The following ATMIN variants were observed in gnomAD, a reference collection of about 807,000 sequenced individuals.
The protein encoded by ATMIN is ATM INteracting protein.
A neutral mutation model predicts 49.2 loss-of-function variants in ATMIN; 24 were observed. The ratio of observed to expected loss-of-function variants is 0.49; its 90% CI spans 0.35 to 0.69. ATMIN has a LOEUF of 0.69. Among genes scored for constraint, ATMIN ranks in the 30% least tolerant of loss-of-function variants. The probability of loss-of-function intolerance (pLI) is 0.00; values close to 1 mark genes in which losing one functional copy is unlikely to be tolerated. For synonymous variants in ATMIN, 450 were observed against 392.5 expected (o/e 1.15, Z -1.73); for missense variants, 1,037 against 1,005.5 (o/e 1.03, Z -0.42).
intron 3 of ATMIN, 147 bp from the exon 4 acceptor site, chr16:81,043,014 G>C (rs958773319): frequency 1.1e-6 from 1 of 943,754 alleles, no homozygotes; most frequent in African/African-American, 1.7e-5. Context: ...AACTCCCAGA[G>C]TTGCGAAAGA....
Position 81,043,749 on chromosome 16 carries a change from G to C in ATMIN, c.1251G>C (p.Leu417=), listed in dbSNP as rs1971074742. 1.2e-6 allele frequency: 2 copies of C among 1,614,130 alleles called. No homozygotes were observed. The highest frequency in any genetic ancestry group is 1.7e-6 in the Non-Finnish European group (2 of 1,180,058). The change falls in exon 4 of 4, where the codon CTG becomes CTC. Residue 417 remains leucine (L), a synonymous_variant. Coordinates refer to ENST00000299575, the MANE Select transcript of ATMIN (RefSeq NM_015251.3). ...CTTCAATCAACGTGCAGACAGATCTGTCTTATGCCTCACAAAACTTTATAC... is the reference window on the plus strand; with the variant it reads ...CTTCAATCAACGTGCAGACAGATCTCTCTTATGCCTCACAAAACTTTATAC... ...SISSINVQTD[L]SYASQNFIPS...
At chr16:81,039,685 T>C (rs1473625966) in intron 1 of ATMIN, among the ~76,000 whole-genome samples, 1 of 152,204 alleles carries the variant, frequency 6.6e-6, no homozygotes, top group African/African-American at 2.4e-5. Context: ...AGAGATTCTT[T>C]TGTTCCTTGT....
chr16:81,043,042 G>C (rs1971060956), intron 3 of ATMIN, 119 bp from the exon 4 acceptor site: 1 of 1,238,500 alleles, frequency 8.1e-7, no homozygotes, highest in African/African-American at 1.5e-5. Flanking sequence ...TATCTTGTCT[G>C]GGTTGAACAT....
rs962898008 is a variant in ATMIN at position 81,035,878 on chromosome 16, C to A, written c.8C>A (p.Ala3Asp). Reference sequence around the variant, plus strand: ...GGCGGCCGTGCGGGAGCCATGGCGGCCTCGGAGGCGGCGGCGGCGGCGGGG... The same window carrying A: ...GGCGGCCGTGCGGGAGCCATGGCGGACTCGGAGGCGGCGGCGGCGGCGGGG... MA[A>D]SEAAAAAGSA... Residue 3 changes from alanine to aspartate, a missense_variant, in exon 1 of 4, where the codon GCC becomes GAC. Physicochemically the swap from Ala to Asp is moderately radical, Grantham distance 126. Transcript: ENST00000299575. The A allele has an allele frequency of 4.7e-4, 443 of 945,162 alleles. No homozygotes were observed. Among genetic ancestry groups the A allele is most frequent in the Non-Finnish European group, 5.4e-4 (426 of 795,474 alleles). The allele number at this position is 945,162 out of a possible 1,614,324, so 58.5% of individuals were successfully genotyped here. A position where few individuals can be genotyped will look rare whatever the true frequency, so the allele number is the denominator to read the frequency against.
chr16:81,045,186 G>A lies in ATMIN; in HGVS notation c.*216G>A. The A allele has an allele frequency of 5.2e-6, 3 of 579,476 alleles. No homozygotes were observed. The highest frequency in any genetic ancestry group is 8.4e-6 in the Non-Finnish European group (3 of 356,136). The allele number at this position is 579,476 out of a possible 1,614,324, so 35.9% of individuals were successfully genotyped here. On this transcript the variant is annotated 3_prime_UTR_variant, in exon 4 of 4. Coordinates refer to ENST00000299575, the MANE Select transcript of ATMIN (RefSeq NM_015251.3). ...TGAGATGTTGATCTAAATTGTTTTTGTGTTGCCTACATTTGCCTTTTCACA... is the reference window on the plus strand; with the variant it reads ...TGAGATGTTGATCTAAATTGTTTTTATGTTGCCTACATTTGCCTTTTCACA...
chr16:81,044,804 G>A lies in ATMIN; in HGVS notation c.2306G>A (p.Ser769Asn). ...AACAGTACAGAAACACAGACCATGA[G>A]TTCTGGGTTTGAAACCCTGGGGAGC... ...QLNSTETQTM[S>N]SGFETLGSLF... The change falls in exon 4 of 4, where the codon AGT becomes AAT. Residue 769 changes from serine to asparagine, a missense_variant. By Grantham distance (46) the Ser-to-Asn change is conservative. Coordinates refer to ENST00000299575, the MANE Select transcript of ATMIN (RefSeq NM_015251.3). 1.9e-6 allele frequency: 3 copies of A among 1,614,194 alleles called. No homozygotes were observed. The highest frequency in any genetic ancestry group is 2.2e-5 in the East Asian group (1 of 44,886).
intron 1 of ATMIN, chr16:81,037,492 C>T (rs775260911): frequency 2.2e-5 from 22 of 985,284 alleles, no homozygotes; most frequent in African/African-American, 8.7e-5. Context: ...TGAGGAAGAC[C>T]GTGCAGGTGG....
At chr16:81,036,592 A>G (rs563178673) in intron 1 of ATMIN, among the ~76,000 whole-genome samples, 3 of 152,362 alleles carry the variant, frequency 2.0e-5, no homozygotes, top group South Asian at 4.1e-4. Context: ...AGATTATGCA[A>G]CCTAGATGAT....
chr16:81,045,009 A>C lies in ATMIN; in HGVS notation c.*39A>C, dbSNP rs1174681957. The C allele has an allele frequency of 6.3e-7, 1 of 1,582,086 alleles. No homozygotes were observed. The highest frequency in any genetic ancestry group is 1.4e-5 in the African/African-American group (1 of 73,836). ...GTCCATGTGTGAAATGGCATCTACC[A>C]TTTCCTCTGGATTAAAACTACGGAC... On this transcript the variant is annotated 3_prime_UTR_variant, in exon 4 of 4. Coordinates refer to ENST00000299575, the MANE Select transcript of ATMIN (RefSeq NM_015251.3).
chr16:81,035,861 T>G lies in ATMIN; in HGVS notation c.-10T>G, dbSNP rs573547224. The G allele has an allele frequency of 3.5e-6, 3 of 860,794 alleles. No individual in the cohort carries two copies. Among genetic ancestry groups the G allele is most frequent in the South Asian group, 5.1e-5 (1 of 19,694 alleles). The allele number at this position is 860,794 out of a possible 1,614,324, so 53.3% of individuals were successfully genotyped here. On this transcript the variant is annotated 5_prime_UTR_variant, in exon 1 of 4. Transcript: ENST00000299575. ...GCCTACGAACTGGGCCGGGCGGCCG[T>G]GCGGGAGCCATGGCGGCCTCGGAGG...
At chr16:81,040,592 C>G (rs1971020707) in intron 1 of ATMIN, 1 of 152,120 alleles carries the variant, frequency 6.6e-6, no homozygotes, top group African/African-American at 2.4e-5. Flanking sequence ...AATCTCTGCC[C>G]ATGTAAAGGT....
chr16:81,043,058 C>G, intron 3 of ATMIN, 103 bp from the exon 4 acceptor site: 1 of 1,382,968 alleles, frequency 7.2e-7, no homozygotes, highest in Non-Finnish European at 9.8e-7. Context: ...AACATGACCT[C>G]TGCTATAGAT....
chr16:81,037,533 T>A, intron 1 of ATMIN: 1 of 978,522 alleles, frequency 1.0e-6, no homozygotes, highest in Non-Finnish European at 1.2e-6. Flanking sequence ...AAGCTCTGGG[T>A]TTCTTTCAGC....
chr16:81,042,567 A>C (rs1971053212), intron 3 of ATMIN, 87 bp downstream of exon 3: 1 of 1,337,996 alleles, frequency 7.5e-7, no homozygotes, highest in East Asian at 2.4e-5. Context: ...TGGTGTGGGG[A>C]GGAAAAAGGA....
Position 81,045,216 on chromosome 16 carries a change from G to C in ATMIN, c.*246G>C. 2.4e-6 allele frequency: 1 copy of C among 408,668 alleles called. No individual in the cohort carries two copies. The highest frequency in any genetic ancestry group is 4.1e-6 in the Non-Finnish European group (1 of 245,966). 25.3% of individuals were successfully genotyped at this position (408,668 alleles called of 1,614,324 possible). On this transcript the variant is annotated 3_prime_UTR_variant, in exon 4 of 4. Coordinates refer to ENST00000299575, the MANE Select transcript of ATMIN (RefSeq NM_015251.3). ...GCCTACATTTGCCTTTTCACAGCTA[G>C]TCTTTTCATGTTAAAAAAAAAAATG...
In ATMIN at chr16:81,044,661, A is replaced by G; in HGVS notation, c.2163A>G (p.Gly721=). 1 of 1,614,180 alleles carries G rather than the reference A, an allele frequency of 6.2e-7. No homozygotes were observed. Among genetic ancestry groups the G allele is most frequent in the East Asian group, 2.2e-5 (1 of 44,890 alleles). ...ACAGTAGCCCTCATCTGCCTCTGGG[A>G]AGTATTCTGAAACACTCCAGCTTTT... ...FLDSSPHLPL[G]SILKHSSFSV... The change falls in exon 4 of 4, where the codon GGA becomes GGG. Residue 721 remains glycine, a synonymous_variant. Transcript: ENST00000299575.
intron 1 of ATMIN, among the ~76,000 whole-genome samples, chr16:81,037,894 C>T (rs1970972276): frequency 6.6e-6 from 1 of 152,140 alleles, no homozygotes; most frequent in Non-Finnish European, 1.5e-5. Flanking sequence ...CCCACCTCAG[C>T]CTCTTAAAGT....
At chr16:81,037,955 A>G (rs865965528) in intron 1 of ATMIN, among the ~76,000 whole-genome samples, 9 of 151,572 alleles carry the variant, frequency 5.9e-5, no homozygotes, top group African/African-American at 2.2e-4. Context: ...CCTTTATTTA[A>G]TCATAACTTA....
chr16:81,037,243 T>C (rs1013588301), intron 1 of ATMIN: 2 of 985,368 alleles, frequency 2.0e-6, no homozygotes, highest in African/African-American at 3.5e-5. Flanking sequence ...TCTGCGAATA[T>C]GTAGCTTTTG....
Sources: gnomAD v4.1 joint callset for allele counts (sites outside exome capture counted in the v4.1 genomes callset) on GRCh38, gnomAD v4.1.1 for gene constraint, MANE v1.5 for transcripts, NCBI Gene and HGNC (gene_info 2026-07-23, HGNC 2026-07-21) for gene names.